HNRNPU: variants seen among roughly 807,000 people sequenced by gnomAD.
HNRNPU encodes the protein heterogeneous nuclear ribonucleoprotein U.
A neutral mutation model predicts 94.7 loss-of-function variants in HNRNPU; 5 were observed. That is an observed-to-expected ratio of 0.05 (90% confidence interval 0.03 to 0.11). The LOEUF is 0.11. Among genes scored for constraint, HNRNPU ranks in the 10% least tolerant of loss-of-function variants. HNRNPU has a pLI of 1.00. For missense variants in HNRNPU, 710 were observed against 1,049.2 expected (o/e 0.68, Z 4.47); for synonymous variants, 434 against 381.6 (o/e 1.14, Z -1.60).
At chr1:244,861,467 G>T (rs536539864) in intron 3 of HNRNPU, 1 of 152,128 alleles carries the variant, frequency 6.6e-6, no homozygotes, top group South Asian at 2.1e-4. Flanking sequence ...TTTTTCACCT[G>T]CAGTTTTTTC....
At chr1:244,858,388 C>T (rs1680735754) in intron 6 of HNRNPU, 114 bp from the exon 7 acceptor site, 1 of 976,286 alleles carries the variant, frequency 1.0e-6, no homozygotes. Context: ...GGTTAAAGAA[C>T]TATTAGGTGG....
intron 1 of HNRNPU, chr1:244,863,230 CCCT>C (rs1333064995): frequency 1.1e-5 from 2 of 181,700 alleles, no homozygotes; most frequent in African/African-American, 4.7e-5. Flanking sequence ...GGGGCCTCTC[CCCT>C]CCCCCCGAGA....
rs1558184774 is a variant in HNRNPU, at chr1:244,853,000, G to A, written c.*1450C>T. 6.6e-6 allele frequency: 1 copy of A among 152,582 alleles called. No homozygotes were observed. The highest frequency in any genetic ancestry group is 1.5e-5 in the Non-Finnish European group (1 of 68,018). 9.5% of individuals were successfully genotyped at this position (152,582 alleles called of 1,614,324 possible). A position where few individuals can be genotyped will look rare whatever the true frequency, so the allele number is the denominator to read the frequency against. On this transcript the variant is annotated 3_prime_UTR_variant, in exon 14 of 14. Coordinates refer to ENST00000640218, the MANE Select transcript of HNRNPU (RefSeq NM_031844.3). Reference sequence around the variant, plus strand: ...CAAGTTAGCAGTGTTGTGTAGCAGTGACATCAATGACTGGCTTGCATGATG... The same window carrying A: ...CAAGTTAGCAGTGTTGTGTAGCAGTAACATCAATGACTGGCTTGCATGATG...
intron 12 of HNRNPU, 141 bp from the exon 13 acceptor site, chr1:244,855,185 C>G: frequency 1.4e-6 from 1 of 736,364 alleles, no homozygotes; most frequent in Non-Finnish European, 2.3e-6. Flanking sequence ...TGGATACCCT[C>G]TGCTGGTTTC....
At chr1:244,856,936 T>C (rs1680697200) in intron 8 of HNRNPU, 80 bp from the exon 9 acceptor site, 2 of 1,154,160 alleles carry the variant, frequency 1.7e-6, no homozygotes, top group Non-Finnish European at 2.5e-6. Flanking sequence ...CTCATATCTA[T>C]ATGTAAAGCA....
intron 6 of HNRNPU, chr1:244,858,493 T>C (rs1054354798): frequency 1.6e-6 from 1 of 608,338 alleles, no homozygotes; most frequent in Non-Finnish European, 2.9e-6. Context: ...GAAGCTAGAC[T>C]GAATTTTCTA....
intron 7 of HNRNPU, 112 bp from the exon 8 acceptor site, chr1:244,857,829 A>G: frequency 7.0e-7 from 1 of 1,426,388 alleles, no homozygotes; most frequent in Non-Finnish European, 9.5e-7. Flanking sequence ...CCTTACACTA[A>G]CGGACAAAAA....
At chr1:244,856,400 G>A (rs1260254058) in intron 10 of HNRNPU, 57 bp downstream of exon 10, 9 of 1,527,716 alleles carry the variant, frequency 5.9e-6, no homozygotes, top group South Asian at 1.2e-5. Flanking sequence ...GAATATGTAG[G>A]AAAAACATTC....
Position 244,853,356 on chromosome 1 carries a change from G to T in HNRNPU, c.*1094C>A, listed in dbSNP as rs1037167559. On this transcript the variant is annotated 3_prime_UTR_variant, in exon 14 of 14. Coordinates refer to ENST00000640218, the MANE Select transcript of HNRNPU (RefSeq NM_031844.3). ...CTTGGGAGTTATATAAAGGGATTTT[G>T]AACCTTGATGGCGAGAATCCCAAAA... The T allele has an allele frequency of 2.0e-5, 3 of 152,520 alleles. No individual in the cohort carries two copies. The highest frequency in any genetic ancestry group is 2.9e-5 in the Non-Finnish European group (2 of 67,980). 9.4% of individuals were successfully genotyped at this position (152,520 alleles called of 1,614,324 possible).
At chr1:244,862,563 G>C (rs776137009) in intron 2 of HNRNPU, 29 bp from the exon 3 acceptor site, 171 of 1,610,002 alleles carry the variant, frequency 1.1e-4, no homozygotes, top group Admixed American at 3.2e-4. Context: ...TCCTGATACA[G>C]CTTTCCGATC....
At chr1:244,858,451 GTA>G in intron 6 of HNRNPU, 177 bp from the exon 7 acceptor site, 1 of 628,212 alleles carries the variant, frequency 1.6e-6, no homozygotes. Flanking sequence ...CATGAAGCAC[GTA>G]TCTCCAGAAC....
intron 12 of HNRNPU, 103 bp from the exon 13 acceptor site, chr1:244,855,147 T>TA (rs1373481401): frequency 1.1e-6 from 1 of 907,202 alleles, no homozygotes; most frequent in African/African-American, 1.9e-5. Context: ...TAGCCCCTAA[T>TA]CTTAGGTAGC....
At chr1:244,862,395 T>TTAAAA (rs528097252) in intron 3 of HNRNPU, 66 bp downstream of exon 3, 4 of 798,308 alleles carry the variant, frequency 5.0e-6, no homozygotes, top group East Asian at 2.8e-5. Context: ...TTAAGACTTC[T>TTAAAA]AAAAAAAAAA....
chr1:244,863,128 C>A (rs1454382731), intron 1 of HNRNPU: 131 of 177,552 alleles, frequency 7.4e-4, no homozygotes, highest in Non-Finnish European at 1.3e-3. Flanking sequence ...CCGCCCGGCT[C>A]CTCCCGCCGG....
chr1:244,852,275 A>T lies in HNRNPU; in HGVS notation c.*2175T>A, dbSNP rs1417982809. ...AATTCTAGTCTTGACTAAAGATTTT[A>T]ACATTTTTCTGGGTGCCATTTTTAT... On this transcript the variant is annotated 3_prime_UTR_variant, in exon 14 of 14. Coordinates refer to ENST00000640218, the MANE Select transcript of HNRNPU (RefSeq NM_031844.3). 2 of 152,198 alleles carry T rather than the reference A, an allele frequency of 1.3e-5. No homozygotes were observed. The highest frequency in any genetic ancestry group is 4.8e-5 in the African/African-American group (2 of 41,450). The allele number at this position is 152,198 out of a possible 1,614,324, so 9.4% of individuals were successfully genotyped here. A position where few individuals can be genotyped will look rare whatever the true frequency, so the allele number is the denominator to read the frequency against.
At position 244,858,137 on chromosome 1, in the gene HNRNPU, T is replaced by C; in HGVS notation, c.1368A>G (p.Glu456=). 2 of 1,614,154 alleles carry C rather than the reference T, an allele frequency of 1.2e-6. No homozygotes were observed. The highest frequency in any genetic ancestry group is 1.7e-6 in the Non-Finnish European group (2 of 1,180,014). Reference sequence around the variant, plus strand: ...GCTTTTCCTTCTGACCAAAATTAAATTCAACTGCACAGTTGTGGCAGAGAA... The same window carrying C: ...GCTTTTCCTTCTGACCAAAATTAAACTCAACTGCACAGTTGTGGCAGAGAA... ...PHVLCHNCAV[E]FNFGQKEKPY... is the part of the protein sequence containing the mutation. Residue 456 remains glutamate, a synonymous_variant, in exon 7 of 14, where the codon GAA becomes GAG. Transcript: ENST00000640218.
intron 1 of HNRNPU, 94 bp downstream of exon 1, chr1:244,863,523 G>A (rs2102990321): frequency 2.4e-6 from 3 of 1,259,150 alleles, no homozygotes; most frequent in Non-Finnish European, 3.0e-6. Context: ...CCCGCCCGGG[G>A]CTCCCTCCCC....
At position 244,854,164 on chromosome 1, in the gene HNRNPU, A is replaced by T; in HGVS notation, c.*286T>A. On this transcript the variant is annotated 3_prime_UTR_variant, in exon 14 of 14. Transcript: ENST00000640218. ...GCAACATTTTACTTCTGTTGTGATAAAAAAAAAAAAAAGTCACATTTTACA... is the reference window on the plus strand; with the variant it reads ...GCAACATTTTACTTCTGTTGTGATATAAAAAAAAAAAAGTCACATTTTACA... The T allele has an allele frequency of 4.8e-6, 1 of 207,974 alleles. No homozygotes were observed. The highest frequency in any genetic ancestry group is 9.4e-6 in the Non-Finnish European group (1 of 106,344). 12.9% of individuals were successfully genotyped at this position (207,974 alleles called of 1,614,324 possible). A position where few individuals can be genotyped will look rare whatever the true frequency, so the allele number is the denominator to read the frequency against.
At chr1:244,855,726 A>G (rs1680661801) in intron 11 of HNRNPU, 118 bp from the exon 12 acceptor site, 2 of 1,320,378 alleles carry the variant, frequency 1.5e-6, no homozygotes, top group East Asian at 2.4e-5. Context: ...AGACAAAAGA[A>G]ATGTTTAATT....
Sources: allele counts gnomAD v4.1 joint callset, GRCh38; gene constraint gnomAD v4.1.1; transcripts MANE v1.5; gene names NCBI Gene and HGNC (gene_info 2026-07-23, HGNC 2026-07-21).